Variants in ZYG11A observed in about 807,000 individuals in gnomAD.
ZYG11A encodes the protein protein zyg-11 homolog A.
ZYG11A carries 62 observed loss-of-function variants against 77.2 expected under a neutral mutation model. The observed-to-expected ratio is 0.80, with a 90% confidence interval of 0.65 to 0.99. The LOEUF (loss-of-function observed/expected upper bound fraction) is 0.99. Among genes scored for constraint, ZYG11A ranks in the 50% least tolerant of loss-of-function variants. The pLI, the probability that ZYG11A is intolerant of heterozygous loss-of-function variation, is 0.00. For missense variants in ZYG11A, 828 were observed against 896.8 expected (o/e 0.92, Z 0.98); for synonymous variants, 315 against 324.6 (o/e 0.97, Z 0.32).
At chr1:52,870,110 C>T (rs1307011860) in intron 8 of ZYG11A, among the ~76,000 whole-genome samples, 2 of 144,576 alleles carry the variant, frequency 1.4e-5, no homozygotes, top group East Asian at 2.1e-4. Context: ...CCAGACGGGG[C>T]GGCGGGGCAG....
chr1:52,891,423 A>T (rs926879911), intron 13 of ZYG11A, among the ~76,000 whole-genome samples: 2 of 151,772 alleles, frequency 1.3e-5, no homozygotes, highest in African/African-American at 4.9e-5. Flanking sequence ...CTGAGAATTC[A>T]TTTTAGAATG....
intron 8 of ZYG11A, among the ~76,000 whole-genome samples, chr1:52,869,912 ACCCCCCCCACACC>A (rs1557445408): frequency 1.6e-4 from 18 of 111,144 alleles, no homozygotes; most frequent in South Asian, 3.0e-4. Context: ...CAGGGGGCTG[ACCCCCCCCACACC>A]TCCCTCCCAG....
At chr1:52,865,004 G>A (rs1230437315) in intron 5 of ZYG11A, among the ~76,000 whole-genome samples, 3 of 151,042 alleles carry the variant, frequency 2.0e-5, no homozygotes, top group South Asian at 4.2e-4. Flanking sequence ...TTCTGTTGCC[G>A]AGGCTAGAGT....
intron 8 of ZYG11A, among the ~76,000 whole-genome samples, chr1:52,868,149 A>G (rs1308094435): frequency 1.3e-5 from 2 of 151,448 alleles, no homozygotes; most frequent in Admixed American, 1.3e-4. Context: ...TATTTTTAGT[A>G]GAGACGGGGT....
intron 3 of ZYG11A, among the ~76,000 whole-genome samples, chr1:52,858,589 A>C (rs1374007393): frequency 1.4e-5 from 2 of 147,112 alleles, no homozygotes; most frequent in African/African-American, 2.5e-5. Flanking sequence ...ATAGGCATGA[A>C]CCACTGCGCC....
chr1:52,872,832 G>A (rs555378), intron 8 of ZYG11A, among the ~76,000 whole-genome samples: 59,978 of 143,164 alleles, frequency 0.42, 15,163 homozygotes, highest in Non-Finnish European at 0.58. Context: ...GCAGTGAGCC[G>A]AGATCAAGCC....
chr1:52,867,873 T>G, intron 8 of ZYG11A, 96 bp downstream of exon 8: 2 of 1,016,356 alleles, frequency 2.0e-6, no homozygotes, highest in Non-Finnish European at 2.9e-6. Context: ...AAAGGCCTAT[T>G]AAGGTGAGAA....
At chr1:52,889,178 T>G (rs1646498393) in intron 13 of ZYG11A, among the ~76,000 whole-genome samples, 2 of 152,038 alleles carry the variant, frequency 1.3e-5, no homozygotes, top group African/African-American at 2.4e-5. Flanking sequence ...GGGTCTCACT[T>G]CATTGCCAAG....
At chr1:52,843,095 G>C in intron 1 of ZYG11A, 122 bp downstream of exon 1, 1 of 827,050 alleles carries the variant, frequency 1.2e-6, no homozygotes, top group Non-Finnish European at 1.7e-6. Flanking sequence ...GCGCGGGGCT[G>C]CGGTCTAGAT....
intron 1 of ZYG11A, among the ~76,000 whole-genome samples, chr1:52,844,152 A>C (rs1475186432): frequency 6.6e-6 from 1 of 152,232 alleles, no homozygotes; most frequent in African/African-American, 2.4e-5. Flanking sequence ...CTTTGGAAAA[A>C]ACCCGCCAAG....
intron 11 of ZYG11A, among the ~76,000 whole-genome samples, chr1:52,885,563 T>G (rs1646435070): frequency 1.3e-5 from 2 of 152,176 alleles, no homozygotes; most frequent in African/African-American, 4.8e-5. Flanking sequence ...TTTTTCCATG[T>G]GCATTGTTCT....
chr1:52,864,930 C>T (rs138197365), intron 5 of ZYG11A, among the ~76,000 whole-genome samples: 308 of 151,866 alleles, frequency 2.0e-3, no homozygotes, highest in African/African-American at 7.1e-3. Flanking sequence ...GGATTACAGA[C>T]GTGAGCCCCC....
chr1:52,872,133 AT>A (rs963496851), intron 8 of ZYG11A, among the ~76,000 whole-genome samples: 1 of 151,474 alleles, frequency 6.6e-6, no homozygotes, highest in Non-Finnish European at 1.5e-5. Flanking sequence ...GGCAGTTTGA[AT>A]TTTTTTTTGA....
chr1:52,866,460 A>G (rs550331399), intron 5 of ZYG11A, 43 bp from the exon 6 acceptor site: 8 of 1,092,088 alleles, frequency 7.3e-6, no homozygotes, highest in South Asian at 5.5e-5. Context: ...TTAGAATGGA[A>G]TGTTACATTT....
intron 8 of ZYG11A, among the ~76,000 whole-genome samples, chr1:52,876,270 C>T (rs1646260036): frequency 6.6e-6 from 1 of 152,104 alleles, no homozygotes; most frequent in Non-Finnish European, 1.5e-5. Context: ...GCTCAGTCTT[C>T]TTCAACATTA....
intron 1 of ZYG11A, among the ~76,000 whole-genome samples, chr1:52,844,750 AGCC>A (rs1645530566): frequency 6.6e-6 from 1 of 151,950 alleles, no homozygotes; most frequent in African/African-American, 2.4e-5. Flanking sequence ...TACAGGCATG[AGCC>A]ACCGTGCCCG....
At chr1:52,878,964 AAAAAAAAAAAAC>A (rs1646312170) in intron 10 of ZYG11A, among the ~76,000 whole-genome samples, 1 of 149,460 alleles carries the variant, frequency 6.7e-6, no homozygotes. Flanking sequence ...AAAAAAAAAA[AAAAAAAAAAAAC>A]AAACCAAAAA....
At position 52,863,962 on chromosome 1, in the gene ZYG11A, A is replaced by T. The variant is rs1310673286; in HGVS notation, c.1150-19A>T. ...AATGTTACTGGCATCATATGCACTA[A>T]AAACAAGTTCATCTTCAGCTTGTGG... On this transcript the variant is annotated intron_variant, in intron 4 of 13. Transcript: ENST00000371528. 6.5e-7 allele frequency: 1 copy of T among 1,543,048 alleles called. No homozygotes were observed. The highest frequency in any genetic ancestry group is 2.0e-5 in the Admixed American group (1 of 50,078).
intron 1 of ZYG11A, among the ~76,000 whole-genome samples, chr1:52,851,175 G>A (rs1348334719): frequency 6.6e-6 from 1 of 151,914 alleles, no homozygotes; most frequent in Non-Finnish European, 1.5e-5. Context: ...TCCCCAGGTA[G>A]CTGGGACTCA....
Sources: allele counts gnomAD v4.1 joint callset (sites outside exome capture counted in the v4.1 genomes callset), GRCh38; gene constraint gnomAD v4.1.1; transcripts MANE v1.5; gene names NCBI Gene and HGNC (gene_info 2026-07-23, HGNC 2026-07-21).